The following GPBP1L1 variants were observed in gnomAD, a reference collection of about 807,000 sequenced individuals.
GPBP1L1 encodes the protein vasculin-like protein 1.
A neutral mutation model predicts 52.5 loss-of-function variants in GPBP1L1; 23 were observed. The observed-to-expected ratio is 0.44, with a 90% confidence interval of 0.32 to 0.62. The LOEUF is 0.62. Among genes scored for constraint, GPBP1L1 ranks in the 20% least tolerant of loss-of-function variants. The probability of loss-of-function intolerance (pLI) is 0.06; values close to 1 mark genes in which losing one functional copy is unlikely to be tolerated. For missense variants in GPBP1L1, 596 were observed against 579.3 expected (o/e 1.03, Z -0.30); for synonymous variants, 243 against 203.1 (o/e 1.20, Z -1.67).
chr1:45,651,612 G>T, intron 6 of GPBP1L1: 1 of 681,238 alleles, frequency 1.5e-6, no homozygotes, highest in Non-Finnish European at 2.7e-6. Flanking sequence ...ATTTTCAGCT[G>T]CATATAGAGG....
intron 2 of GPBP1L1, among the ~76,000 whole-genome samples, chr1:45,673,618 T>C (rs1036622735): frequency 6.6e-6 from 1 of 152,216 alleles, no homozygotes; most frequent in Non-Finnish European, 1.5e-5. Context: ...TCCCAGCACT[T>C]TGGGAGGCCA....
At chr1:45,629,511 A>T in intron 12 of GPBP1L1, 65 bp downstream of exon 12, 1 of 559,094 alleles carries the variant, frequency 1.8e-6, no homozygotes, top group Non-Finnish European at 3.0e-6. Context: ...TCAGGGCAAG[A>T]ACTGTCTTGA....
chr1:45,640,165 C>T (rs948548233), intron 8 of GPBP1L1, 45 bp downstream of exon 8: 6 of 1,466,508 alleles, frequency 4.1e-6, no homozygotes, highest in South Asian at 1.2e-5. Context: ...GATTTATTCC[C>T]AAACCTCTCT....
At chr1:45,661,511 A>C (rs1273414139) in intron 2 of GPBP1L1, among the ~76,000 whole-genome samples, 1 of 150,956 alleles carries the variant, frequency 6.6e-6, no homozygotes, top group Non-Finnish European at 1.5e-5. Context: ...GCTGGAGTGC[A>C]ATGTCGCCAT....
At chr1:45,639,733 G>T (rs918973579) in intron 8 of GPBP1L1, among the ~76,000 whole-genome samples, 1 of 151,832 alleles carries the variant, frequency 6.6e-6, no homozygotes. Flanking sequence ...AAAAAACACC[G>T]AGCCGGGTGT....
intron 8 of GPBP1L1, among the ~76,000 whole-genome samples, chr1:45,639,745 G>A (rs1379112974): frequency 6.6e-6 from 1 of 152,080 alleles, no homozygotes; most frequent in Non-Finnish European, 1.5e-5. Context: ...GCCGGGTGTG[G>A]TGGCGGGCGC....
At position 45,676,885 on chromosome 1, in the gene GPBP1L1, GCAA is replaced by G. The variant is rs779262693; in HGVS notation, c.-1098+8688_-1098+8690del. 4.0e-5 allele frequency among the ~76,000 whole-genome samples: 6 copies of G among 149,544 alleles called. No homozygotes were observed. In the South Asian group the frequency reaches 6.4e-4, roughly 16 times the overall value. ...CACAGAGAGACCCTGTCTCAAAACA[GCAA>G]CAACAACAACAAAGTACTTCGCCAG... is the stretch of plus-strand genomic sequence containing the variant. On this transcript the variant is annotated intron_variant, in intron 2 of 12. Transcript: ENST00000355105.
At chr1:45,655,458 A>G (rs1644874311) in intron 4 of GPBP1L1, 139 bp from the exon 5 acceptor site, 1 of 894,308 alleles carries the variant, frequency 1.1e-6, no homozygotes, top group Non-Finnish European at 1.7e-6. Flanking sequence ...TATGGACCCT[A>G]AGGGTACCCA....
chr1:45,670,063 A>G (rs998266459), intron 2 of GPBP1L1, among the ~76,000 whole-genome samples: 1 of 152,234 alleles, frequency 6.6e-6, no homozygotes, highest in African/African-American at 2.4e-5. Context: ...TCAACTTCAC[A>G]AGGTAATGTC....
intron 6 of GPBP1L1, among the ~76,000 whole-genome samples, chr1:45,647,374 C>T (rs1270459702): frequency 6.6e-6 from 1 of 152,026 alleles, no homozygotes; most frequent in African/African-American, 2.4e-5. Flanking sequence ...GATTATATTT[C>T]CAACAGTTTG....
intron 6 of GPBP1L1, 65 bp from the exon 7 acceptor site, chr1:45,642,564 T>C: frequency 1.7e-6 from 2 of 1,176,244 alleles, no homozygotes; most frequent in Non-Finnish European, 2.6e-6. Flanking sequence ...TTTCACAAAG[T>C]AGCCATCACC....
At chr1:45,644,129 A>C (rs939393377) in intron 6 of GPBP1L1, among the ~76,000 whole-genome samples, 9 of 152,210 alleles carry the variant, frequency 5.9e-5, no homozygotes, top group Non-Finnish European at 1.2e-4. Flanking sequence ...CAATAGGAGA[A>C]CAAGCACAAA....
At chr1:45,645,041 A>C (rs1644725746) in intron 6 of GPBP1L1, among the ~76,000 whole-genome samples, 1 of 152,144 alleles carries the variant, frequency 6.6e-6, no homozygotes, top group African/African-American at 2.4e-5. Flanking sequence ...TTGATGCATA[A>C]AACTGTCCCA....
At chr1:45,677,965 T>C (rs1481816547) in intron 2 of GPBP1L1, among the ~76,000 whole-genome samples, 1 of 152,296 alleles carries the variant, frequency 6.6e-6, no homozygotes, top group East Asian at 1.9e-4. Context: ...CTATGACCCA[T>C]TAATCCTAAT....
intron 2 of GPBP1L1, among the ~76,000 whole-genome samples, chr1:45,672,780 G>C (rs989175878): frequency 6.6e-6 from 1 of 152,186 alleles, no homozygotes; most frequent in Non-Finnish European, 1.5e-5. Flanking sequence ...AAGCTAAGCA[G>C]AAACATGTTT....
rs201338648 is a variant in GPBP1L1, at chr1:45,653,700, T to TCC, written c.477+842_477+843insGG. 1.1e-3 allele frequency among the ~76,000 whole-genome samples: 145 copies of TCC among 128,854 alleles called. 1 individual carries two copies. Among genetic ancestry groups the TCC allele is most frequent in the Admixed American group, 4.3e-3 (53 of 12,458 alleles). The allele number at this position is 128,854 out of a possible 152,430, so 84.5% of individuals were successfully genotyped here. A position where few individuals can be genotyped will look rare whatever the true frequency, so the allele number is the denominator to read the frequency against. On this transcript the variant is annotated intron_variant, in intron 6 of 12. Coordinates refer to ENST00000355105, the MANE Select transcript of GPBP1L1 (RefSeq NM_021639.5). ...ATTTGTTAAAATGATAATCTTTTTT[T>TCC]TCTTTTTTTTTTTTTTGAGACAGAG...
rs1491205189 is a variant in GPBP1L1, at chr1:45,627,723, A to AG, written c.*532dup. ...TTACAGCTGTACCCAAAAAGGAAAA[A>AG]GAAAAAAAAAACAAAAAAAAACAAC... is the stretch of plus-strand genomic sequence containing the variant. On this transcript the variant is annotated 3_prime_UTR_variant, in exon 13 of 13. Coordinates refer to ENST00000355105, the MANE Select transcript of GPBP1L1 (RefSeq NM_021639.5). 2 of 111,366 alleles carry AG rather than the reference A, an allele frequency of 1.8e-5. No homozygotes were observed. The highest frequency in any genetic ancestry group is 2.8e-4 in the South Asian group (1 of 3,622). 6.9% of individuals were successfully genotyped at this position (111,366 alleles called of 1,614,324 possible). A position where few individuals can be genotyped will look rare whatever the true frequency, so the allele number is the denominator to read the frequency against.
rs571185419 is a variant in GPBP1L1, at chr1:45,629,458, C to A, written c.1272+118G>T. Reference sequence around the variant, plus strand: ...ACTACATTTCTACTAAGGTAATCCCCCCCCCCCCCACCCGATCTTTCTCTC... The same window carrying A: ...ACTACATTTCTACTAAGGTAATCCCACCCCCCCCCACCCGATCTTTCTCTC... On this transcript the variant is annotated intron_variant, in intron 12 of 12. Transcript: ENST00000355105. 29 of 126,848 alleles carry A rather than the reference C, an allele frequency of 2.3e-4. 1 individual carries two copies. The highest frequency in any genetic ancestry group is 3.8e-4 in the South Asian group (2 of 5,210). 7.9% of individuals were successfully genotyped at this position (126,848 alleles called of 1,614,324 possible).
intron 8 of GPBP1L1, among the ~76,000 whole-genome samples, chr1:45,637,692 T>A (rs759563969): frequency 1.3e-5 from 2 of 152,182 alleles, no homozygotes; most frequent in Non-Finnish European, 2.9e-5. Flanking sequence ...CTCATTTTTA[T>A]ATTTTCTGTA....
Sources: allele counts gnomAD v4.1 joint callset (sites outside exome capture counted in the v4.1 genomes callset), GRCh38; gene constraint gnomAD v4.1.1; transcripts MANE v1.5; gene names NCBI Gene and HGNC (gene_info 2026-07-23, HGNC 2026-07-21).